Variants in WDPCP observed in about 807,000 individuals in gnomAD.
WDPCP encodes WD repeat containing planar cell polarity effector.
A neutral mutation model predicts 93.1 loss-of-function variants in WDPCP; 71 were observed. The observed-to-expected ratio is 0.76, with a 90% CI of 0.63 to 0.93. The LOEUF is 0.93. Ranked by LOEUF, WDPCP falls within the 40% of genes least tolerant of loss-of-function variation. The pLI is 0.00. For missense variants in WDPCP, 844 were observed against 887.4 expected (o/e 0.95, Z 0.62); for synonymous variants, 315 against 315.0 (o/e 1.00, Z 0.00).
rs1239199520 is a variant in WDPCP at position 63,800,176 on chromosome 2, G to A, written n.308+13446C>T. Among the ~76,000 whole-genome samples, 4 of 152,132 alleles carry A rather than the reference G, an allele frequency of 2.6e-5. No individual in the cohort carries two copies. In the East Asian group the frequency reaches 5.8e-4, roughly 22 times the overall value. On this transcript the variant is annotated intron_variant and non_coding_transcript_variant, in intron 2 of 4. Coordinates refer to the WDPCP transcript ENST00000467687. Reference sequence around the variant, plus strand: ...ATGTATCCAAATAGGATTCACAACTGAATGGCAACATATAACTTAATTCTA... The same window carrying A: ...ATGTATCCAAATAGGATTCACAACTAAATGGCAACATATAACTTAATTCTA...
intron 15 of WDPCP, among the ~76,000 whole-genome samples, chr2:63,165,594 A>G (rs918466034): frequency 2.0e-5 from 3 of 151,508 alleles, no homozygotes; most frequent in Admixed American, 6.6e-5. Flanking sequence ...TTTACAGGGT[A>G]ATTTCTTAAT....
chr2:63,585,108 A>G (rs1456197050), intron 1 of WDPCP, among the ~76,000 whole-genome samples: 1 of 152,224 alleles, frequency 6.6e-6, no homozygotes, highest in Non-Finnish European at 1.5e-5. Flanking sequence ...TAAAATGTGT[A>G]CAAATTGTGT....
chr2:63,461,566 T>A (rs1008872703), intron 6 of WDPCP, among the ~76,000 whole-genome samples: 5 of 152,278 alleles, frequency 3.3e-5, no homozygotes, highest in African/African-American at 1.2e-4. Context: ...TTTATAGCAA[T>A]GCAAGAACGG....
chr2:63,153,043 A>G, intron 16 of WDPCP, 98 bp from the exon 17 acceptor site: 1 of 979,270 alleles, frequency 1.0e-6, no homozygotes, highest in East Asian at 2.5e-5. Context: ...GCTTAAAATA[A>G]TAACAAGTTA....
chr2:63,722,163 G>A (rs1321304176), intron 2 of WDPCP, among the ~76,000 whole-genome samples: 1 of 152,070 alleles, frequency 6.6e-6, no homozygotes, highest in Non-Finnish European at 1.5e-5. Flanking sequence ...CGTCTGGGAA[G>A]TGAGGAGCGT....
chr2:63,484,004 T>C (rs1700418601), intron 6 of WDPCP, among the ~76,000 whole-genome samples: 1 of 152,010 alleles, frequency 6.6e-6, no homozygotes, highest in African/African-American at 2.4e-5. Context: ...GTATCTGCAC[T>C]GTCCAATATG....
At chr2:63,583,801 T>G (rs1212931581) in intron 1 of WDPCP, among the ~76,000 whole-genome samples, 1 of 152,062 alleles carries the variant, frequency 6.6e-6, no homozygotes, top group African/African-American at 2.4e-5. Flanking sequence ...AAGTTCTAAG[T>G]CACCATGTTT....
At chr2:63,648,216 T>A (rs1351250395) in intron 3 of WDPCP, among the ~76,000 whole-genome samples, 4 of 152,112 alleles carry the variant, frequency 2.6e-5, no homozygotes, top group Admixed American at 6.6e-5. Context: ...TTTACTCTTA[T>A]CCCCCTAAGT....
intron 1 of WDPCP, among the ~76,000 whole-genome samples, chr2:63,574,673 G>A (rs1223034677): frequency 1.3e-5 from 2 of 152,044 alleles, no homozygotes; most frequent in African/African-American, 4.8e-5. Flanking sequence ...TGAAGTACCA[G>A]GGGTACCAGT....
At chr2:63,142,462 G>A (rs1671139097) in intron 17 of WDPCP, among the ~76,000 whole-genome samples, 1 of 152,158 alleles carries the variant, frequency 6.6e-6, no homozygotes, top group Non-Finnish European at 1.5e-5. Context: ...TCCTTTTGGA[G>A]TTGATTTCCA....
intron 1 of WDPCP, among the ~76,000 whole-genome samples, chr2:63,508,535 C>CA (rs1333095002): frequency 7.2e-5 from 11 of 152,048 alleles, no homozygotes; most frequent in Non-Finnish European, 2.9e-5. Flanking sequence ...AACTAATGGG[C>CA]AAAATAACCA....
At chr2:63,552,722 A>T (rs997984748) in intron 1 of WDPCP, among the ~76,000 whole-genome samples, 3 of 152,230 alleles carry the variant, frequency 2.0e-5, no homozygotes, top group Non-Finnish European at 4.4e-5. Flanking sequence ...AAAAGGCACT[A>T]ACAAAAAAGC....
intron 1 of WDPCP, among the ~76,000 whole-genome samples, chr2:63,496,814 T>A (rs1701247655): frequency 2.6e-5 from 4 of 152,058 alleles, no homozygotes; most frequent in Admixed American, 2.0e-4. Flanking sequence ...ATCTATCATA[T>A]AAGGATGGGG....
At position 63,749,597 on chromosome 2, in the gene WDPCP, T is replaced by C. The variant is rs10153867; in HGVS notation, n.308+64025A>G. On this transcript the variant is annotated intron_variant and non_coding_transcript_variant, in intron 2 of 4. Coordinates refer to the WDPCP transcript ENST00000467687. ...ATGATTTTGCCCAACTGTAGGCTAA[T>C]GTAGGCGTTTTAGCACCCAACTACC... Among the ~76,000 whole-genome samples, 124 of 152,240 alleles carry C rather than the reference T, an allele frequency of 8.1e-4. 1 individual carries two copies. In the Middle Eastern group the frequency reaches 0.01, roughly 13 times the overall value.
At chr2:63,693,178 G>A (rs910808155) in intron 2 of WDPCP, among the ~76,000 whole-genome samples, 14 of 152,142 alleles carry the variant, frequency 9.2e-5, no homozygotes, top group East Asian at 1.9e-4. Context: ...AGAATACAGC[G>A]CTCTCCTAGA....
At chr2:63,405,249 G>T (rs1037176369) in intron 9 of WDPCP, among the ~76,000 whole-genome samples, 1 of 152,086 alleles carries the variant, frequency 6.6e-6, no homozygotes. Flanking sequence ...TTTACTATCA[G>T]AAAGGATATA....
chr2:63,313,857 T>C (rs1214832336), intron 12 of WDPCP, among the ~76,000 whole-genome samples: 2 of 35,124 alleles, frequency 5.7e-5, no homozygotes, highest in African/African-American at 1.0e-4. Context: ...TTCATACATA[T>C]ATATATATAT....
chr2:63,655,166 T>C (rs1335327465), intron 2 of WDPCP, among the ~76,000 whole-genome samples: 1 of 152,166 alleles, frequency 6.6e-6, no homozygotes, highest in Admixed American at 6.5e-5. Context: ...AAAAAGCAAA[T>C]GGGAGACACA....
intron 12 of WDPCP, among the ~76,000 whole-genome samples, chr2:63,322,356 G>T (rs889593191): frequency 6.6e-6 from 1 of 152,160 alleles, no homozygotes; most frequent in Admixed American, 6.5e-5. Flanking sequence ...AACCCGCTCG[G>T]GTCCCCTTCC....
Sources: allele counts gnomAD v4.1 joint callset (sites outside exome capture counted in the v4.1 genomes callset), GRCh38; gene constraint gnomAD v4.1.1; transcripts MANE v1.5; gene names NCBI Gene and HGNC (gene_info 2026-07-23, HGNC 2026-07-21).